MPDZ: variants seen among roughly 807,000 people sequenced by gnomAD.
MPDZ encodes multiple PDZ domain protein.
Under a neutral mutation model 239.1 loss-of-function variants are expected in MPDZ, and 234 were observed. The observed-to-expected ratio is 0.98, with a 90% CI of 0.88 to 1.09. The LOEUF is 1.09. Ranked by LOEUF, MPDZ falls within the 50% of genes least tolerant of loss-of-function variation. MPDZ has a pLI of 0.00. For missense variants in MPDZ, 3,175 were observed against 2,510.0 expected, an observed-to-expected ratio of 1.26 and a Z score of -5.66; for synonymous variants, 1,048 against 881.3, an observed-to-expected ratio of 1.19 and a Z score of -3.35.
At chr9:13,147,331 T>C (rs1948570023) in intron 26 of MPDZ, among the ~76,000 whole-genome samples, 2 of 152,054 alleles carry the variant, frequency 1.3e-5, no homozygotes, top group Non-Finnish European at 2.9e-5. Flanking sequence ...TCTACTTCTG[T>C]GTATATTCAA....
intron 23 of MPDZ, among the ~76,000 whole-genome samples, chr9:13,158,352 C>G (rs73406256): frequency 6.6e-6 from 1 of 152,152 alleles, no homozygotes; most frequent in African/African-American, 2.4e-5. Context: ...CTTGTCTAGT[C>G]TGTTTTTTCC....
chr9:13,164,545 CA>C lies in MPDZ; in HGVS notation c.3255-1751del, dbSNP rs148336633. On this transcript the variant is annotated intron_variant, in intron 22 of 46. Coordinates refer to ENST00000319217, the MANE Select transcript of MPDZ (RefSeq NM_001378778.1). ...AGGGAAGAAAGGCAGGATAGAATAGCAAAAATAATAGCAATCAGTACGAAGT... is the reference window on the plus strand; with the variant it reads ...AGGGAAGAAAGGCAGGATAGAATAGCAAAATAATAGCAATCAGTACGAAGT... Among the ~76,000 whole-genome samples, 1,627 of 152,064 alleles carry C rather than the reference CA, an allele frequency of 0.011. 69 individuals carry two copies. In the East Asian group the frequency reaches 0.13, roughly 12 times the overall value.
intron 10 of MPDZ, among the ~76,000 whole-genome samples, chr9:13,212,791 TAAAAAAAA>T (rs145889448): frequency 9.0e-6 from 1 of 110,590 alleles, no homozygotes; most frequent in African/African-American, 3.5e-5. Flanking sequence ...GGTCAAGGTT[TAAAAAAAA>T]AAAAAAAAAA....
chr9:13,269,234 A>G (rs1416917694), intron 1 of MPDZ, among the ~76,000 whole-genome samples: 3 of 152,204 alleles, frequency 2.0e-5, no homozygotes, highest in Admixed American at 6.5e-5. Context: ...CATTTAGCCA[A>G]AAGAACAGCA....
Position 13,173,450 on chromosome 9 carries a change from C to T in MPDZ, c.3055+2302G>A, listed in dbSNP as rs563394235. 7.2e-4 allele frequency among the ~76,000 whole-genome samples: 110 copies of T among 152,082 alleles called. 1 individual carries two copies. The Middle Eastern group carries it at 0.01, about 14-fold the overall frequency. ...GGGCAGGGTGACTCGTGCCTGTAATCCTAGCACTTTGGGAGGCGGAGATGG... is the reference window on the plus strand; with the variant it reads ...GGGCAGGGTGACTCGTGCCTGTAATTCTAGCACTTTGGGAGGCGGAGATGG... On this transcript the variant is annotated intron_variant, in intron 21 of 46. Transcript: ENST00000319217.
intron 18 of MPDZ, among the ~76,000 whole-genome samples, chr9:13,184,924 A>G (rs1953886204): frequency 6.6e-6 from 1 of 152,024 alleles, no homozygotes; most frequent in South Asian, 2.1e-4. Context: ...CTCACATAAA[A>G]GTGGAACTAA....
chr9:13,246,774 T>C (rs1325364128), intron 3 of MPDZ, among the ~76,000 whole-genome samples: 5 of 152,198 alleles, frequency 3.3e-5, no homozygotes, highest in Admixed American at 3.3e-4. Context: ...TTTTTAACCT[T>C]ATAAGGCAGA....
chr9:13,243,927 A>G (rs1966000183), intron 3 of MPDZ, among the ~76,000 whole-genome samples: 1 of 152,222 alleles, frequency 6.6e-6, no homozygotes, highest in Non-Finnish European at 1.5e-5. Flanking sequence ...CCTCCTGAAT[A>G]TTCTGTGCTG....
chr9:13,112,907 T>A, intron 42 of MPDZ, 104 bp downstream of exon 42: 2 of 1,126,146 alleles, frequency 1.8e-6, no homozygotes, highest in Non-Finnish European at 2.6e-6. Context: ...ATACATACTT[T>A]TTGAGATGAA....
chr9:13,238,816 C>T (rs1441926734), intron 3 of MPDZ, among the ~76,000 whole-genome samples: 20 of 151,852 alleles, frequency 1.3e-4, no homozygotes, highest in African/African-American at 4.1e-4. Flanking sequence ...ATGCAGAAGC[C>T]GATGAAAATC....
intron 1 of MPDZ, among the ~76,000 whole-genome samples, chr9:13,257,917 C>T (rs940789424): frequency 2.0e-5 from 3 of 152,068 alleles, no homozygotes; most frequent in African/African-American, 4.8e-5. Context: ...TCTAACAATC[C>T]TACTATGTAC....
chr9:13,196,279 A>C, intron 12 of MPDZ, 49 bp from the exon 13 acceptor site: 17 of 1,261,416 alleles, frequency 1.3e-5, no homozygotes, highest in Non-Finnish European at 1.7e-5. Flanking sequence ...AGAAATCTCC[A>C]CATCTTAACA....
intron 35 of MPDZ, among the ~76,000 whole-genome samples, chr9:13,123,681 A>G (rs1217983119): frequency 6.6e-6 from 1 of 152,182 alleles, no homozygotes; most frequent in Admixed American, 6.5e-5. Flanking sequence ...TTATGAATTA[A>G]AAGATTTATA....
Position 13,219,544 on chromosome 9 carries a change from C to T in MPDZ, c.1086+15G>A, listed in dbSNP as rs759373553. ...ATTTCTCTGACTTTCACATTAACTA[C>T]TCTTAACTACTTACCCGCAACTCTG... On this transcript the variant is annotated intron_variant, in intron 8 of 46. Coordinates refer to ENST00000319217, the MANE Select transcript of MPDZ (RefSeq NM_001378778.1). The T allele has an allele frequency of 3.0e-5, 49 of 1,607,996 alleles. No individual in the cohort carries two copies. The highest frequency in any genetic ancestry group is 4.2e-5 in the Non-Finnish European group (49 of 1,176,268).
At chr9:13,228,327 C>A (rs1022129144) in intron 3 of MPDZ, among the ~76,000 whole-genome samples, 16 of 151,874 alleles carry the variant, frequency 1.1e-4, no homozygotes, top group Non-Finnish European at 1.6e-4. Context: ...TAAAACATAA[C>A]CTAAATATTA....
intron 1 of MPDZ, among the ~76,000 whole-genome samples, chr9:13,265,163 G>C (rs1307747763): frequency 2.6e-5 from 4 of 152,210 alleles, no homozygotes; most frequent in African/African-American, 9.7e-5. Context: ...GAATTCTTCA[G>C]TGCAGTTCCT....
At position 13,113,932 on chromosome 9, in the gene MPDZ, T is replaced by C. The variant is rs1340820286; in HGVS notation, c.5556A>G (p.Ala1852=). The C allele has an allele frequency of 1.9e-6, 3 of 1,583,784 alleles. No individual in the cohort carries two copies. Among genetic ancestry groups the C allele is most frequent in the Non-Finnish European group, 2.6e-6 (3 of 1,163,420 alleles). ...ESLESSSKKN[A]LASEIQGLRT... ...TTTAAAATACTGAACCAATCTTACATGCATTCTTCTTTGAGCTACTTTCCA... is the reference window on the plus strand; with the variant it reads ...TTTAAAATACTGAACCAATCTTACACGCATTCTTCTTTGAGCTACTTTCCA... Residue 1852 remains alanine, a splice_region_variant and synonymous_variant, in exon 41 of 47, where the codon GCA becomes GCG. Coordinates refer to ENST00000319217, the MANE Select transcript of MPDZ (RefSeq NM_001378778.1).
Position 13,168,405 on chromosome 9 carries a change from G to A in MPDZ, c.3215C>T (p.Ala1072Val). Residue 1072 changes from alanine to valine, a missense_variant, in exon 22 of 47, where the codon GCT becomes GTT. By Grantham distance (64) the Ala-to-Val change is moderately conservative (BLOSUM62 0). Transcript: ENST00000319217. Reference sequence around the variant, plus strand: ...AATGAGAGAATGTCTTCTCAACATAGCTCGTGCCTGGGCATTGGTTACACT... The same window carrying A: ...AATGAGAGAATGTCTTCTCAACATAACTCGTGCCTGGGCATTGGTTACACT... ...TISVTNAQARAMLRRHSLIGP... is the reference protein window; with the variant it reads ...TISVTNAQARVMLRRHSLIGP... 6.2e-7 allele frequency: 1 copy of A among 1,613,404 alleles called. No individual in the cohort carries two copies. Among genetic ancestry groups the A allele is most frequent in the Admixed American group, 1.7e-5 (1 of 59,964 alleles).
chr9:13,188,401 C>A (rs1954429691), intron 17 of MPDZ, among the ~76,000 whole-genome samples: 2 of 151,952 alleles, frequency 1.3e-5, no homozygotes, highest in African/African-American at 2.4e-5. Context: ...GTAGTCCCAG[C>A]AACTCAGGAG....
Sources: allele counts gnomAD v4.1 joint callset (sites outside exome capture counted in the v4.1 genomes callset), GRCh38; gene constraint gnomAD v4.1.1; transcripts MANE v1.5; gene names NCBI Gene and HGNC (gene_info 2026-07-23, HGNC 2026-07-21).